Variants in EPHA6 observed in about 807,000 individuals in gnomAD.
EPHA6 encodes ephrin type-A receptor 6.
In EPHA6, 50 loss-of-function variants were observed where a neutral mutation model predicts 112.0. The ratio of observed to expected loss-of-function variants is 0.45; its 90% CI spans 0.36 to 0.56. The LOEUF (loss-of-function observed/expected upper bound fraction) is 0.56. Among genes scored for constraint, EPHA6 ranks in the 20% least tolerant of loss-of-function variants. EPHA6 has a pLI of 0.00. For missense variants in EPHA6, 1,280 were observed against 1,417.4 expected (o/e 0.90, Z 1.56); for synonymous variants, 529 against 490.7 (o/e 1.08, Z -1.03).
chr3:96,973,906 TATA>T (rs1429045266), intron 2 of EPHA6, among the ~76,000 whole-genome samples: 3 of 145,990 alleles, frequency 2.1e-5, no homozygotes, highest in East Asian at 2.0e-4. Context: ...TAATATATGA[TATA>T]ATAGATTCTG....
intron 6 of EPHA6, 37 bp from the exon 7 acceptor site, chr3:97,448,531 T>C: frequency 6.2e-7 from 1 of 1,605,898 alleles, no homozygotes; most frequent in East Asian, 2.2e-5. Flanking sequence ...AGAATAACTC[T>C]GTTTCATTTC....
chr3:97,127,855 A>C (rs1326800183), intron 3 of EPHA6, among the ~76,000 whole-genome samples: 1 of 151,952 alleles, frequency 6.6e-6, no homozygotes, highest in Non-Finnish European at 1.5e-5. Context: ...AAGCTGTGAA[A>C]TTCAATATTC....
chr3:97,435,052 T>C (rs2089749720), intron 6 of EPHA6, among the ~76,000 whole-genome samples: 1 of 152,116 alleles, frequency 6.6e-6, no homozygotes, highest in Non-Finnish European at 1.5e-5. Flanking sequence ...GCCAGTTTTC[T>C]TTGAGGCTGG....
chr3:96,825,877 G>GA (rs1310128718), intron 1 of EPHA6, among the ~76,000 whole-genome samples: 2 of 151,520 alleles, frequency 1.3e-5, no homozygotes, highest in East Asian at 1.9e-4. Flanking sequence ...TAGCCTTTTG[G>GA]AAAAAATTAA....
intron 5 of EPHA6, among the ~76,000 whole-genome samples, chr3:97,365,086 C>T (rs766917336): frequency 2.6e-5 from 4 of 152,094 alleles, no homozygotes; most frequent in East Asian, 1.9e-4. Context: ...AATGCAATCA[C>T]GGAAAATGAA....
At chr3:97,417,745 G>A (rs979938914) in intron 6 of EPHA6, among the ~76,000 whole-genome samples, 2 of 152,134 alleles carry the variant, frequency 1.3e-5, no homozygotes, top group African/African-American at 4.8e-5. Flanking sequence ...CTGGCTAGGA[G>A]GGAGAATTGA....
chr3:97,141,368 G>T (rs141911546), intron 3 of EPHA6, among the ~76,000 whole-genome samples: 2 of 152,100 alleles, frequency 1.3e-5, no homozygotes, highest in East Asian at 1.9e-4. Flanking sequence ...CCTATCAGCC[G>T]CAGAATATAC....
intron 5 of EPHA6, among the ~76,000 whole-genome samples, chr3:97,360,635 CTAA>C (rs2084324578): frequency 6.6e-6 from 1 of 152,056 alleles, no homozygotes; most frequent in African/African-American, 2.4e-5. Flanking sequence ...CACTGGGAAT[CTAA>C]TAAGATTATG....
intron 5 of EPHA6, among the ~76,000 whole-genome samples, chr3:97,324,562 G>C (rs1003575046): frequency 6.8e-5 from 4 of 59,142 alleles, no homozygotes; most frequent in Non-Finnish European, 1.1e-4. Flanking sequence ...TCTTTCGATG[G>C]AGCTTCGCTC....
At chr3:97,508,373 A>G (rs2092297790) in intron 10 of EPHA6, among the ~76,000 whole-genome samples, 2 of 151,976 alleles carry the variant, frequency 1.3e-5, no homozygotes, top group African/African-American at 2.4e-5. Context: ...TCTTTGTTCT[A>G]ATTTGTTTCA....
At chr3:97,710,154 C>T (rs1419327046) in intron 14 of EPHA6, among the ~76,000 whole-genome samples, 1 of 152,220 alleles carries the variant, frequency 6.6e-6, no homozygotes, top group African/African-American at 2.4e-5. Flanking sequence ...TGGGGGTGAG[C>T]CCTTCAGCCC....
At position 97,360,363 on chromosome 3, in the gene EPHA6, T is replaced by C. The variant is rs2084310817; in HGVS notation, c.1607-44787T>C. Among the ~76,000 whole-genome samples the C allele has an allele frequency of 3.3e-5, 5 of 152,230 alleles. No individual in the cohort carries two copies. In the South Asian group the frequency reaches 6.2e-4, roughly 19 times the overall value. ...ATTGTTGCCTAGATGGGAAGACAGA[T>C]TCCTGGTTCTTTCTACTCCACTATC... On this transcript the variant is annotated intron_variant, in intron 5 of 17. Coordinates refer to ENST00000389672, the MANE Select transcript of EPHA6 (RefSeq NM_001080448.3).
At chr3:97,361,449 C>T (rs1054737989) in intron 5 of EPHA6, among the ~76,000 whole-genome samples, 16 of 152,086 alleles carry the variant, frequency 1.1e-4, no homozygotes, top group African/African-American at 2.9e-4. Context: ...GTTCGGCTTG[C>T]GTCTTAGTCT....
chr3:97,524,789 T>A (rs1184871662), intron 10 of EPHA6, among the ~76,000 whole-genome samples: 1 of 152,162 alleles, frequency 6.6e-6, no homozygotes, highest in Non-Finnish European at 1.5e-5. Context: ...TTTCAATATG[T>A]CATGCCACTC....
intron 2 of EPHA6, among the ~76,000 whole-genome samples, chr3:96,902,163 C>A (rs187178794): frequency 2.0e-5 from 3 of 152,210 alleles, no homozygotes; most frequent in East Asian, 3.9e-4. Context: ...TATTTAACAT[C>A]TTATGAAATT....
At chr3:97,599,896 T>C (rs2093628810) in intron 12 of EPHA6, among the ~76,000 whole-genome samples, 1 of 152,228 alleles carries the variant, frequency 6.6e-6, no homozygotes, top group Admixed American at 6.5e-5. Context: ...TTCCTACCCA[T>C]GAGCATGGAA....
rs554551114 is a variant in EPHA6, at chr3:96,877,310, C to G, written c.450+10421C>G. Among the ~76,000 whole-genome samples, 3 of 152,140 alleles carry G rather than the reference C, an allele frequency of 2.0e-5. No homozygotes were observed. The East Asian group carries it at 5.8e-4, about 29-fold the overall frequency. ...GTATTTTAGACAATCCATTTTCTCA[C>G]TATTCTCTCACTAAAATAGAAGTTT... On this transcript the variant is annotated intron_variant, in intron 2 of 17. Transcript: ENST00000389672.
chr3:97,467,638 G>A (rs2091099331), intron 7 of EPHA6, among the ~76,000 whole-genome samples: 1 of 151,742 alleles, frequency 6.6e-6, no homozygotes, highest in Admixed American at 6.6e-5. Context: ...AAAGATATAT[G>A]CATGAAGATG....
chr3:96,902,919 A>C (rs766399725), intron 2 of EPHA6, among the ~76,000 whole-genome samples: 7 of 152,198 alleles, frequency 4.6e-5, no homozygotes, highest in Non-Finnish European at 1.0e-4. Flanking sequence ...CTCCAAAGTA[A>C]ATAGACGAGA....
Sources: allele counts gnomAD v4.1 joint callset (sites outside exome capture counted in the v4.1 genomes callset), GRCh38; gene constraint gnomAD v4.1.1; transcripts MANE v1.5; gene names NCBI Gene and HGNC (gene_info 2026-07-23, HGNC 2026-07-21).